ADAMTS18: variants seen among roughly 807,000 people sequenced by gnomAD.
ADAMTS18 encodes ADAM metallopeptidase with thrombospondin type 1 motif 18, also known as A disintegrin and metalloproteinase with thrombospondin motifs 18.
Under a neutral mutation model 165.9 loss-of-function variants are expected in ADAMTS18, and 157 were observed. The ratio of observed to expected loss-of-function variants is 0.95; its 90% CI spans 0.83 to 1.08. The LOEUF (loss-of-function observed/expected upper bound fraction) is 1.08. ADAMTS18 is among the 50% of genes least tolerant of loss of function. ADAMTS18 has a pLI of 0.00. For synonymous variants in ADAMTS18, 782 were observed against 578.2 expected (o/e 1.35, Z -5.06); for missense variants, 2,040 against 1,534.0 (o/e 1.33, Z -5.51).
intron 22 of ADAMTS18, among the ~76,000 whole-genome samples, chr16:77,286,468 G>A (rs1319196770): frequency 6.6e-6 from 1 of 152,098 alleles, no homozygotes; most frequent in Admixed American, 6.5e-5. Flanking sequence ...CTAAAGACAT[G>A]TGTGAAAAAT....
chr16:77,379,487 T>G (rs1289850807), intron 3 of ADAMTS18, among the ~76,000 whole-genome samples: 1 of 152,082 alleles, frequency 6.6e-6, no homozygotes, highest in Non-Finnish European at 1.5e-5. Context: ...ATCTGTTTAT[T>G]TTTATTTTAT....
chr16:77,400,524 C>T (rs1296435190), intron 3 of ADAMTS18, among the ~76,000 whole-genome samples: 1 of 150,440 alleles, frequency 6.6e-6, no homozygotes, highest in Non-Finnish European at 1.5e-5. Flanking sequence ...CTCTGTCGCC[C>T]AGGCTGGAGC....
chr16:77,307,976 G>A (rs911099183), intron 16 of ADAMTS18, among the ~76,000 whole-genome samples: 1 of 152,072 alleles, frequency 6.6e-6, no homozygotes, highest in Non-Finnish European at 1.5e-5. Flanking sequence ...AAGAGTGCAG[G>A]AAGTTGTTTA....
chr16:77,366,226 G>C (rs866244457), intron 4 of ADAMTS18, among the ~76,000 whole-genome samples: 1 of 152,180 alleles, frequency 6.6e-6, no homozygotes, highest in Admixed American at 6.5e-5. Flanking sequence ...AGCCACAGAA[G>C]AATTTAAAAG....
chr16:77,284,478 C>G lies in ADAMTS18; in HGVS notation c.3551-407G>C, dbSNP rs1192017168. Reference sequence around the variant, plus strand: ...ATTAATATTAACATAGCACCTTTTTCTTAAGGTGAGGGCCTACAGAACAAA... The same window carrying G: ...ATTAATATTAACATAGCACCTTTTTGTTAAGGTGAGGGCCTACAGAACAAA... On this transcript the variant is annotated intron_variant, in intron 22 of 22. Transcript: ENST00000282849. 9.9e-5 allele frequency among the ~76,000 whole-genome samples: 15 copies of G among 152,148 alleles called. No homozygotes were observed. The South Asian group carries it at 3.1e-3, about 32-fold the overall frequency.
At chr16:77,391,273 C>A (rs139197459) in intron 3 of ADAMTS18, among the ~76,000 whole-genome samples, 1 of 152,094 alleles carries the variant, frequency 6.6e-6, no homozygotes, top group African/African-American at 2.4e-5. Flanking sequence ...GAGGCCAAAG[C>A]GGGCAGATCA....
At position 77,326,170 on chromosome 16, in the gene ADAMTS18, G is replaced by C. The variant is rs964179641; in HGVS notation, c.1860-132C>G. ...ATGCAAAGGCATACAGTCTATTACA[G>C]GAATGGAAGTACATAGCATACAACT... On this transcript the variant is annotated intron_variant, in intron 12 of 22. Coordinates refer to ENST00000282849, the MANE Select transcript of ADAMTS18 (RefSeq NM_199355.4). The C allele has an allele frequency of 2.6e-5, 23 of 872,906 alleles. No individual in the cohort carries two copies. The African/African-American group carries it at 3.5e-4, about 13-fold the overall frequency. 54.1% of individuals were successfully genotyped at this position (872,906 alleles called of 1,614,324 possible).
In ADAMTS18 at chr16:77,363,933, T is replaced by C. The variant is rs757702134; in HGVS notation, c.973-48A>G. On this transcript the variant is annotated intron_variant, in intron 5 of 22. Coordinates refer to ENST00000282849, the MANE Select transcript of ADAMTS18 (RefSeq NM_199355.4). The stretch of plus-strand genomic sequence containing the variant: ...ACAAAATCTCAAAATTTTCAAAACC[T>C]TAGGGGGAATCAATCAGACATATTG... The C allele has an allele frequency of 4.7e-5, 74 of 1,557,990 alleles. 2 individuals carry two copies. In the South Asian group the frequency reaches 7.9e-4, roughly 17 times the overall value.
chr16:77,301,296 A>G (rs1002631581), intron 16 of ADAMTS18, among the ~76,000 whole-genome samples: 14 of 150,490 alleles, frequency 9.3e-5, no homozygotes, highest in African/African-American at 3.2e-4. Flanking sequence ...AAAAAACTGG[A>G]GAGAAAGAAC....
rs149466326 is a variant in ADAMTS18, at chr16:77,292,941, T to G, written c.3189+135A>C. 1.4e-3 allele frequency: 1,414 copies of G among 1,029,838 alleles called. 12 individuals are homozygous for G. In the African/African-American group the frequency reaches 0.02, roughly 14 times the overall value. The allele number at this position is 1,029,838 out of a possible 1,614,324, so 63.8% of individuals were successfully genotyped here. Reference sequence around the variant, plus strand: ...TTCACGCCATGCTCCTGCCTCAGCCTCCCCAGTAGATCAGACTACAGGCGC... The same window carrying G: ...TTCACGCCATGCTCCTGCCTCAGCCGCCCCAGTAGATCAGACTACAGGCGC... On this transcript the variant is annotated intron_variant, in intron 20 of 22. Transcript: ENST00000282849.
At chr16:77,314,336 C>T (rs1340140722) in intron 16 of ADAMTS18, among the ~76,000 whole-genome samples, 4 of 151,912 alleles carry the variant, frequency 2.6e-5, no homozygotes, top group Admixed American at 6.6e-5. Flanking sequence ...CATGGCTGGG[C>T]GTGGTGCACA....
chr16:77,355,040 A>T (rs1288340354), intron 9 of ADAMTS18, among the ~76,000 whole-genome samples: 3 of 152,202 alleles, frequency 2.0e-5, no homozygotes, highest in African/African-American at 2.4e-5. Context: ...TATAGATCTT[A>T]CTAATTCTTT....
Position 77,291,170 on chromosome 16 carries a change from G to C in ADAMTS18, c.3402+96C>G. 2.2e-6 allele frequency: 3 copies of C among 1,381,124 alleles called. No homozygotes were observed. In the South Asian group the frequency reaches 3.6e-5, roughly 17 times the overall value. 85.6% of individuals were successfully genotyped at this position (1,381,124 alleles called of 1,614,324 possible). A position where few individuals can be genotyped will look rare whatever the true frequency, so the allele number is the denominator to read the frequency against. ...TTGAGCCCTTAGTTGTTTTTACTTA[G>C]ACAACCATTAACAGACTAAGAGCAA... On this transcript the variant is annotated intron_variant, in intron 21 of 22. Transcript: ENST00000282849.
rs986956967 is a variant in ADAMTS18, at chr16:77,434,996, C to T, written c.-301G>A. The T allele has an allele frequency of 5.0e-5, 13 of 261,788 alleles. No individual in the cohort carries two copies. The highest frequency in any genetic ancestry group is 7.9e-5 in the Non-Finnish European group (11 of 139,442). The allele number at this position is 261,788 out of a possible 1,614,324, so 16.2% of individuals were successfully genotyped here. On this transcript the variant is annotated 5_prime_UTR_variant, in exon 1 of 23. Coordinates refer to ENST00000282849, the MANE Select transcript of ADAMTS18 (RefSeq NM_199355.4). ...GGTTGGGAGACTGTCGGTGTCTGCC[C>T]GCCCGTCTGTGCGTCTGTCTGTGTC...
intron 2 of ADAMTS18, chr16:77,432,528 C>T (rs2057751621): frequency 1.3e-5 from 2 of 152,202 alleles, no homozygotes; most frequent in African/African-American, 4.8e-5. Flanking sequence ...TTTCACCAAA[C>T]ATTGAAGCTG....
At position 77,434,953 on chromosome 16, in the gene ADAMTS18, C is replaced by T. The variant is rs1597272756; in HGVS notation, c.-258G>A. The T allele has an allele frequency of 2.9e-6, 1 of 341,772 alleles. No individual in the cohort carries two copies. Among genetic ancestry groups the T allele is most frequent in the Non-Finnish European group, 5.2e-6 (1 of 191,114 alleles). 21.2% of individuals were successfully genotyped at this position (341,772 alleles called of 1,614,324 possible). ...AGAGGGTACGGGGGGCTCCCTGGGC[C>T]GGGACTGGAGCGCAAACGGTTGGGA... is the stretch of plus-strand genomic sequence containing the variant. On this transcript the variant is annotated 5_prime_UTR_variant, in exon 1 of 23. Transcript: ENST00000282849.
At chr16:77,434,547 G>T in intron 1 of ADAMTS18, 42 bp from the exon 2 acceptor site, 1 of 1,534,622 alleles carries the variant, frequency 6.5e-7, no homozygotes. Flanking sequence ...GGGCGCGGCG[G>T]GGCTGGCGTC....
intron 21 of ADAMTS18, among the ~76,000 whole-genome samples, chr16:77,289,992 T>G (rs946959765): frequency 6.6e-6 from 1 of 152,088 alleles, no homozygotes; most frequent in Non-Finnish European, 1.5e-5. Context: ...ATATGAAAAA[T>G]TTATAAAGAT....
rs902914360 is a variant in ADAMTS18, at chr16:77,386,589, G to A, written c.496-18866C>T. On this transcript the variant is annotated intron_variant, in intron 3 of 22. Coordinates refer to ENST00000282849, the MANE Select transcript of ADAMTS18 (RefSeq NM_199355.4). ...AGTTCATCAAAGCCCTACCCCTTCT[G>A]CATCCCTCATTATATTACTAGTCTG... 5.9e-5 allele frequency among the ~76,000 whole-genome samples: 9 copies of A among 152,252 alleles called. No homozygotes were observed. In the South Asian group the frequency reaches 6.2e-4, roughly 11 times the overall value.
Sources: allele counts gnomAD v4.1 joint callset (sites outside exome capture counted in the v4.1 genomes callset), GRCh38; gene constraint gnomAD v4.1.1; transcripts MANE v1.5; gene names NCBI Gene and HGNC (gene_info 2026-07-23, HGNC 2026-07-21).